Variants in LIMA1 observed in about 807,000 individuals in gnomAD.
LIMA1 encodes LIM domain and actin-binding protein 1.
LIMA1 carries 52 observed loss-of-function variants against 62.6 expected under a neutral mutation model. That is an observed-to-expected ratio of 0.83 (90% CI 0.67 to 1.05). LIMA1 has a LOEUF of 1.05. LIMA1 is among the 50% of genes least tolerant of loss of function. The pLI is 0.00. For synonymous variants in LIMA1, 302 were observed against 317.8 expected, an observed-to-expected ratio of 0.95 and a Z score of 0.53; for missense variants, 780 against 902.2, an observed-to-expected ratio of 0.86 and a Z score of 1.74.
intron 1 of LIMA1, among the ~76,000 whole-genome samples, chr12:50,263,688 G>A (rs1942098371): frequency 6.6e-6 from 1 of 151,456 alleles, no homozygotes; most frequent in South Asian, 2.1e-4. Flanking sequence ...CACTGCTGGT[G>A]GGAATGTAAA....
chr12:50,208,993 T>C (rs1319765503), intron 4 of LIMA1, among the ~76,000 whole-genome samples: 7 of 58,664 alleles, frequency 1.2e-4, no homozygotes, highest in South Asian at 8.1e-4. Flanking sequence ...TCTTTCTTTC[T>C]TTTTTTTTTT....
At chr12:50,203,743 C>A (rs983885600) in intron 6 of LIMA1, among the ~76,000 whole-genome samples, 2 of 152,144 alleles carry the variant, frequency 1.3e-5, no homozygotes, top group Non-Finnish European at 2.9e-5. Flanking sequence ...TTACTGAGCA[C>A]GTCACCTTCT....
intron 1 of LIMA1, among the ~76,000 whole-genome samples, chr12:50,265,381 G>A (rs1306708075): frequency 2.0e-5 from 3 of 151,990 alleles, no homozygotes; most frequent in African/African-American, 7.2e-5. Context: ...TTAGCCGGGC[G>A]TGGTGGCGCA....
intron 1 of LIMA1, among the ~76,000 whole-genome samples, chr12:50,252,476 A>G (rs1160032902): frequency 2.0e-5 from 3 of 151,290 alleles, no homozygotes; most frequent in Non-Finnish European, 4.4e-5. Flanking sequence ...AGCTGCTCGG[A>G]AGGCTGAGGC....
chr12:50,253,199 T>G (rs888582504), intron 1 of LIMA1, among the ~76,000 whole-genome samples: 1 of 152,186 alleles, frequency 6.6e-6, no homozygotes, highest in Non-Finnish European at 1.5e-5. Flanking sequence ...GAGACATACA[T>G]GTCAGCAAGA....
intron 3 of LIMA1, among the ~76,000 whole-genome samples, chr12:50,227,721 C>A (rs1006614972): frequency 6.6e-6 from 1 of 152,136 alleles, no homozygotes; most frequent in Admixed American, 6.6e-5. Flanking sequence ...TTAGCTAATT[C>A]CTCTTGGTCC....
At chr12:50,272,617 C>G (rs1023667425) in intron 1 of LIMA1, among the ~76,000 whole-genome samples, 1 of 149,712 alleles carries the variant, frequency 6.7e-6, no homozygotes, top group Non-Finnish European at 1.5e-5. Context: ...AAAATCTGAG[C>G]AGCTACCACG....
In LIMA1 at chr12:50,177,522, CAG is replaced by C. The variant is rs772533666; in HGVS notation, c.1820_1821del (p.Thr607SerfsTer16). ...FQSTSVKSPK[T>X]VSPPIRKGWS... ...CAGCCTTTCCTGATAGGTGGGGACACAGTTTTTGGGCTCTTGACAGAGGTGCT... is the reference window on the plus strand; with the variant it reads ...CAGCCTTTCCTGATAGGTGGGGACACTTTTTGGGCTCTTGACAGAGGTGCT... On this transcript the variant is annotated frameshift_variant, in exon 11 of 11. Transcript: ENST00000341247. LOFTEE classifies it low-confidence loss of function (END_TRUNC). The C allele has an allele frequency of 1.2e-6, 2 of 1,612,006 alleles. No individual in the cohort carries two copies. Among genetic ancestry groups the C allele is most frequent in the Non-Finnish European group, 1.7e-6 (2 of 1,179,152 alleles).
At chr12:50,211,728 A>C (rs1207475184) in intron 4 of LIMA1, among the ~76,000 whole-genome samples, 6 of 152,270 alleles carry the variant, frequency 3.9e-5, no homozygotes, top group African/African-American at 1.4e-4. Flanking sequence ...TCCAAGTGGT[A>C]ATCTGAGGTA....
Position 50,222,230 on chromosome 12 carries a change from G to C in LIMA1, c.421C>G (p.Arg141Gly), listed in dbSNP as rs778893119. The change falls in exon 4 of 11, where the codon CGA (arginine) becomes GGA (glycine). Residue 141 changes from arginine (R) to glycine (G), a missense_variant. Coordinates refer to ENST00000341247, the MANE Select transcript of LIMA1 (RefSeq NM_016357.5). ...RSPPEALVQG[R>G]YPHIKDGEDL... ...TCACCGTCCTTGATGTGGGGATATC[G>C]ACCCTGAACGAGGGCTTCAGGAGGT... 4.3e-6 allele frequency: 7 copies of C among 1,613,946 alleles called. No homozygotes were observed. The East Asian group carries it at 8.9e-5, about 21-fold the overall frequency.
At chr12:50,197,230 C>G (rs1448907204) in intron 7 of LIMA1, among the ~76,000 whole-genome samples, 1 of 151,984 alleles carries the variant, frequency 6.6e-6, no homozygotes, top group African/African-American at 2.4e-5. Flanking sequence ...ATTATCACAC[C>G]CGGCTAATTT....
intron 1 of LIMA1, among the ~76,000 whole-genome samples, chr12:50,255,509 C>T (rs148838836): frequency 4.6e-4 from 63 of 137,884 alleles, no homozygotes; most frequent in African/African-American, 1.6e-3. Context: ...GCCGTGATCA[C>T]ACCACTGTAC....
chr12:50,196,331 C>T (rs1307460929), intron 7 of LIMA1, among the ~76,000 whole-genome samples: 2 of 152,088 alleles, frequency 1.3e-5, no homozygotes, highest in Non-Finnish European at 1.5e-5. Context: ...TCTTATTTCC[C>T]AACCAACTAC....
intron 10 of LIMA1, among the ~76,000 whole-genome samples, chr12:50,181,625 C>T (rs1940503846): frequency 6.6e-6 from 1 of 152,148 alleles, no homozygotes; most frequent in South Asian, 2.1e-4. Flanking sequence ...CAAGGGAAAA[C>T]ATTCTATTAA....
intron 6 of LIMA1, chr12:50,202,134 G>A (rs974200505): frequency 2.0e-5 from 3 of 152,186 alleles, no homozygotes; most frequent in Non-Finnish European, 4.4e-5. Flanking sequence ...GTGCATCTGT[G>A]AGGAGGAGCT....
At chr12:50,190,632 A>G (rs112926708) in intron 9 of LIMA1, among the ~76,000 whole-genome samples, 2,451 of 135,096 alleles carry the variant, frequency 0.018, 80 homozygotes, top group African/African-American at 0.064. Flanking sequence ...CGCCCGTCTC[A>G]GCCTCCCAAA....
At chr12:50,239,841 A>G (rs887270069) in intron 2 of LIMA1, among the ~76,000 whole-genome samples, 17 of 151,754 alleles carry the variant, frequency 1.1e-4, no homozygotes, top group African/African-American at 4.1e-4. Context: ...TAAAAAAAAA[A>G]TAACTAGCAG....
At chr12:50,181,068 C>T (rs547094176) in intron 10 of LIMA1, among the ~76,000 whole-genome samples, 28 of 146,838 alleles carry the variant, frequency 1.9e-4, no homozygotes, top group African/African-American at 6.1e-4. Flanking sequence ...GCTGAGATCA[C>T]GCCACTGCAC....
intron 1 of LIMA1, among the ~76,000 whole-genome samples, chr12:50,275,748 G>T (rs1275937581): frequency 6.6e-6 from 1 of 152,194 alleles, no homozygotes; most frequent in Non-Finnish European, 1.5e-5. Flanking sequence ...GGCAGGTCCA[G>T]GAAACAGAGA....
Sources: allele counts gnomAD v4.1 joint callset (sites outside exome capture counted in the v4.1 genomes callset), GRCh38; gene constraint gnomAD v4.1.1; transcripts MANE v1.5; gene names NCBI Gene and HGNC (gene_info 2026-07-23, HGNC 2026-07-21).